Variants in PTPRG observed in about 807,000 individuals in gnomAD.
The protein encoded by PTPRG is protein tyrosine phosphatase receptor type G, also known as receptor-type tyrosine-protein phosphatase gamma.
PTPRG carries 102 observed loss-of-function variants against 165.3 expected under a neutral mutation model. The observed-to-expected ratio is 0.62, with a 90% CI of 0.53 to 0.73. PTPRG has a LOEUF of 0.73. PTPRG is among the 30% of genes least tolerant of loss of function. The pLI, the probability that PTPRG is intolerant of heterozygous loss-of-function variation, is 0.00. For missense variants in PTPRG, 1,866 were observed against 1,861.4 expected (o/e 1.00, Z -0.05); for synonymous variants, 675 against 669.5 (o/e 1.01, Z -0.13).
intron 2 of PTPRG, among the ~76,000 whole-genome samples, chr3:61,943,104 C>A (rs2039674106): frequency 6.6e-6 from 1 of 152,040 alleles, no homozygotes; most frequent in African/African-American, 2.4e-5. Flanking sequence ...TTCATGACAA[C>A]TTTTTTTTCC....
At chr3:61,651,134 CTTTTTTTTTTTT>C (rs761871013) in intron 1 of PTPRG, among the ~76,000 whole-genome samples, 1 of 141,534 alleles carries the variant, frequency 7.1e-6, no homozygotes, top group Non-Finnish European at 1.5e-5. Context: ...CACTCTTTCT[CTTTTTTTTTTTT>C]TTAAAGGAAA....
At chr3:62,122,463 A>C (rs1703111323) in intron 5 of PTPRG, among the ~76,000 whole-genome samples, 1 of 152,206 alleles carries the variant, frequency 6.6e-6, no homozygotes, top group Non-Finnish European at 1.5e-5. Flanking sequence ...AGCACAGAGT[A>C]AAACTACCCC....
chr3:62,020,847 T>TG (rs1553705548), intron 4 of PTPRG, among the ~76,000 whole-genome samples: 1 of 150,032 alleles, frequency 6.7e-6, no homozygotes, highest in Non-Finnish European at 1.5e-5. Context: ...TTTTTTTTGT[T>TG]TTTTTTTTTT....
chr3:62,086,311 G>A (rs1288954440), intron 5 of PTPRG, among the ~76,000 whole-genome samples: 1 of 150,600 alleles, frequency 6.6e-6, no homozygotes, highest in Non-Finnish European at 1.5e-5. Flanking sequence ...TCTGATGGCA[G>A]TGTGAAACAA....
chr3:62,092,832 T>C (rs1359433437), intron 5 of PTPRG, among the ~76,000 whole-genome samples: 3 of 152,204 alleles, frequency 2.0e-5, no homozygotes, highest in Non-Finnish European at 4.4e-5. Flanking sequence ...GTCATATGTG[T>C]AGTGATAAAC....
At chr3:61,776,659 T>A (rs1324512186) in intron 2 of PTPRG, among the ~76,000 whole-genome samples, 1 of 151,020 alleles carries the variant, frequency 6.6e-6, no homozygotes, top group Non-Finnish European at 1.5e-5. Flanking sequence ...GGGTTCTTAA[T>A]GCTCTCTGCT....
rs551053760 is a variant in PTPRG at position 62,233,629 on chromosome 3, A to T, written c.2375+2318A>T. The stretch of plus-strand genomic sequence containing the variant: ...AGTGATAGCTAAATTGCAACCCTCC[A>T]AACAGCTACAAGAGCTGTTACAGAA... On this transcript the variant is annotated intron_variant, in intron 14 of 29. Transcript: ENST00000474889. The surrounding 1 kb of genome is among the most constrained non-coding windows in gnomAD (Gnocchi z 4.7). Among the ~76,000 whole-genome samples, 2 of 152,294 alleles carry T rather than the reference A, an allele frequency of 1.3e-5. No homozygotes were observed. The highest frequency in any genetic ancestry group is 3.9e-4 in the East Asian group (2 of 5,170).
chr3:62,213,483 G>C lies in PTPRG; in HGVS notation c.2156-5368G>C, dbSNP rs564036582. Among the ~76,000 whole-genome samples, 18 of 152,050 alleles carry C rather than the reference G, an allele frequency of 1.2e-4. No individual in the cohort carries two copies. Among genetic ancestry groups the C allele is most frequent in the African/African-American group, 4.1e-4 (17 of 41,382 alleles). ...TAACTTACATAGTCTGTTTTCACAC[G>C]GACGATCTTTTTTCATCCTCAGGAC... On this transcript the variant is annotated intron_variant, in intron 12 of 29. Transcript: ENST00000474889. This position sits in a 1 kb window ranked among gnomAD's most constrained non-coding sequence, Gnocchi z 4.4.
intron 1 of PTPRG, among the ~76,000 whole-genome samples, chr3:61,676,876 T>C (rs1703251722): frequency 6.6e-6 from 1 of 152,124 alleles, no homozygotes; most frequent in South Asian, 2.1e-4. Flanking sequence ...AGATGGAGAC[T>C]CCTGACCTGA....
intron 1 of PTPRG, among the ~76,000 whole-genome samples, chr3:61,735,336 A>G (rs2032676957): frequency 6.6e-6 from 1 of 152,168 alleles, no homozygotes; most frequent in African/African-American, 2.4e-5. Flanking sequence ...AGCAAAGCAA[A>G]ATGCAAGATA....
At chr3:62,292,913 AT>A (rs1702950557) in intron 29 of PTPRG, among the ~76,000 whole-genome samples, 2 of 152,184 alleles carry the variant, frequency 1.3e-5, no homozygotes, top group South Asian at 4.1e-4. Context: ...ACCAATAATG[AT>A]TGTTCATTAA....
At chr3:61,761,471 G>C (rs2033831795) in intron 2 of PTPRG, among the ~76,000 whole-genome samples, 1 of 152,150 alleles carries the variant, frequency 6.6e-6, no homozygotes, top group Admixed American at 6.5e-5. Context: ...CCAGCTACTT[G>C]GGAGGCTGAA....
At chr3:61,807,097 G>GA (rs2035441459) in intron 2 of PTPRG, among the ~76,000 whole-genome samples, 1 of 152,206 alleles carries the variant, frequency 6.6e-6, no homozygotes, top group African/African-American at 2.4e-5. Flanking sequence ...AAGGGAAAGA[G>GA]AAGCCATTCA....
chr3:61,938,305 AGTT>A (rs2039529372), intron 2 of PTPRG, among the ~76,000 whole-genome samples: 1 of 150,774 alleles, frequency 6.6e-6, no homozygotes, highest in Admixed American at 6.6e-5. Flanking sequence ...GGGTGTATAA[AGTT>A]GTTTGTATGA....
intron 2 of PTPRG, among the ~76,000 whole-genome samples, chr3:61,751,934 A>G (rs865969577): frequency 3.3e-5 from 5 of 152,094 alleles, no homozygotes; most frequent in Admixed American, 1.3e-4. Context: ...CGGAGCTTGC[A>G]GTGAGCCGAG....
chr3:61,957,035 A>G (rs2040048910), intron 2 of PTPRG, among the ~76,000 whole-genome samples: 1 of 152,206 alleles, frequency 6.6e-6, no homozygotes, highest in African/African-American at 2.4e-5. Context: ...TTTCCCTTGT[A>G]TCACTAAATC....
intron 6 of PTPRG, among the ~76,000 whole-genome samples, chr3:62,156,229 C>T (rs1246046318): frequency 6.6e-6 from 1 of 152,188 alleles, no homozygotes; most frequent in Non-Finnish European, 1.5e-5. Flanking sequence ...TGGCTAACCT[C>T]AGTGCCTTCT....
At chr3:61,729,531 C>T (rs2032405675) in intron 1 of PTPRG, among the ~76,000 whole-genome samples, 1 of 152,222 alleles carries the variant, frequency 6.6e-6, no homozygotes, top group Non-Finnish European at 1.5e-5. Flanking sequence ...TCCCAGTCCT[C>T]TGCTTTCACA....
intron 12 of PTPRG, 26 bp from the exon 13 acceptor site, chr3:62,218,825 C>T (rs1462157229): frequency 6.2e-7 from 1 of 1,607,714 alleles, no homozygotes; most frequent in African/African-American, 1.3e-5. Flanking sequence ...CCTCTGTCCT[C>T]TAACTGGGAT....
Sources: gnomAD v4.1 joint callset for allele counts (sites outside exome capture counted in the v4.1 genomes callset) on GRCh38, gnomAD v4.1.1 for gene constraint, Gnocchi (gnomAD v3.1) non-coding constraint, MANE v1.5 for transcripts, NCBI Gene and HGNC (gene_info 2026-07-23, HGNC 2026-07-21) for gene names.